TNFAIP8: variants seen among roughly 807,000 people sequenced by gnomAD.
TNFAIP8 encodes tumor necrosis factor alpha-induced protein 8.
A neutral mutation model predicts 13.3 loss-of-function variants in TNFAIP8; 7 were observed. That is an observed-to-expected ratio of 0.52 (90% confidence interval 0.30 to 0.99). The LOEUF is 0.99. TNFAIP8 is among the 50% of genes least tolerant of loss of function. The pLI, the probability that TNFAIP8 is intolerant of heterozygous loss-of-function variation, is 0.07. For missense variants in TNFAIP8, 258 were observed against 236.9 expected, an observed-to-expected ratio of 1.09 and a Z score of -0.58; for synonymous variants, 94 against 87.6, an observed-to-expected ratio of 1.07 and a Z score of -0.41.
chr5:119,358,941 C>T (rs1751536095), intron 1 of TNFAIP8, among the ~76,000 whole-genome samples: 1 of 152,126 alleles, frequency 6.6e-6, no homozygotes, highest in African/African-American at 2.4e-5. Flanking sequence ...GCTCGCTCCT[C>T]CATTGCCCAT....
upstream of TNFAIP8, among the ~76,000 whole-genome samples, chr5:119,353,671 A>G (rs202204912): frequency 1.7e-5 from 2 of 117,686 alleles, no homozygotes; most frequent in Non-Finnish European, 3.8e-5. Flanking sequence ...GGAGCGCTTG[A>G]ACTATTCATT....
chr5:119,294,170 A>G lies in TNFAIP8; in HGVS notation c.1+25263A>G, dbSNP rs183994897. Among the ~76,000 whole-genome samples the G allele has an allele frequency of 9.2e-3, 1,380 of 150,712 alleles. 19 individuals carry two copies. The highest frequency in any genetic ancestry group is 0.015 in the Non-Finnish European group (1,006 of 67,628). The stretch of plus-strand genomic sequence containing the variant: ...ATTAACTCGTCATTTAGCATTAGGT[A>G]TATCTCCTAATGCTATCCCTCCCCC... On this transcript the variant is annotated intron_variant, in intron 1 of 1. Transcript: ENST00000274456.
At chr5:119,309,989 A>G (rs1321867853) in intron 1 of TNFAIP8, among the ~76,000 whole-genome samples, 3 of 152,202 alleles carry the variant, frequency 2.0e-5, no homozygotes, top group Non-Finnish European at 4.4e-5. Flanking sequence ...GCCAACTGGG[A>G]TGACCTGAAT....
At chr5:119,358,895 TG>T (rs1751534171) in intron 1 of TNFAIP8, among the ~76,000 whole-genome samples, 1 of 152,162 alleles carries the variant, frequency 6.6e-6, no homozygotes, top group South Asian at 2.1e-4. Context: ...TGTGGGGACT[TG>T]GAAAAGAGTG....
chr5:119,336,213 TCTCATTTA>T (rs1221540824), intron 1 of TNFAIP8, among the ~76,000 whole-genome samples: 2 of 152,172 alleles, frequency 1.3e-5, no homozygotes, highest in Non-Finnish European at 2.9e-5. Context: ...AGTCCAATCT[TCTCATTTA>T]CAAATGCAAC....
At chr5:119,371,378 C>T (rs1009824252) in intron 1 of TNFAIP8, among the ~76,000 whole-genome samples, 1 of 152,042 alleles carries the variant, frequency 6.6e-6, no homozygotes, top group African/African-American at 2.4e-5. Context: ...CGTCTGTTTC[C>T]TTCATTCCAA....
intron 1 of TNFAIP8, among the ~76,000 whole-genome samples, chr5:119,359,233 C>T (rs1228954360): frequency 6.6e-6 from 1 of 152,182 alleles, no homozygotes; most frequent in East Asian, 1.9e-4. Context: ...TCAAGCTCCC[C>T]ATTCTAGGAC....
intron 1 of TNFAIP8, among the ~76,000 whole-genome samples, chr5:119,295,398 A>G (rs897345860): frequency 6.6e-6 from 1 of 151,692 alleles, no homozygotes; most frequent in African/African-American, 2.4e-5. Context: ...TCCTTTCCCC[A>G]TTGCTTGTTT....
chr5:119,347,541 A>G (rs1480023496), intron 1 of TNFAIP8, among the ~76,000 whole-genome samples: 1 of 152,232 alleles, frequency 6.6e-6, no homozygotes. Flanking sequence ...AGTTTCTCAG[A>G]AAATGCATTC....
intron 1 of TNFAIP8, among the ~76,000 whole-genome samples, chr5:119,277,750 G>T (rs551632930): frequency 6.6e-6 from 1 of 152,296 alleles, no homozygotes; most frequent in African/African-American, 2.4e-5. Context: ...ATTTTCCACA[G>T]TTCTGGGGGC....
At chr5:119,328,512 A>G (rs1485079806) in intron 1 of TNFAIP8, among the ~76,000 whole-genome samples, 1 of 152,232 alleles carries the variant, frequency 6.6e-6, no homozygotes, top group Non-Finnish European at 1.5e-5. Context: ...GTTTAACAGA[A>G]TGCAAATGGA....
intron 1 of TNFAIP8, among the ~76,000 whole-genome samples, chr5:119,311,231 C>T (rs1282764208): frequency 1.3e-5 from 2 of 151,992 alleles, no homozygotes; most frequent in African/African-American, 4.8e-5. Flanking sequence ...GCTATGATGC[C>T]CAAGCTGGTC....
At chr5:119,329,740 G>A (rs1404288441) in intron 1 of TNFAIP8, among the ~76,000 whole-genome samples, 2 of 151,886 alleles carry the variant, frequency 1.3e-5, no homozygotes, top group Non-Finnish European at 1.5e-5. Context: ...GTGGACCACA[G>A]TGAGAGCACC....
intron 1 of TNFAIP8, among the ~76,000 whole-genome samples, chr5:119,299,138 C>T (rs556673447): frequency 9.2e-5 from 14 of 151,896 alleles, no homozygotes; most frequent in African/African-American, 3.4e-4. Context: ...AGCTTTGTTC[C>T]GTTCCTGGTG....
At chr5:119,365,141 C>T (rs75106439) in intron 1 of TNFAIP8, among the ~76,000 whole-genome samples, 7,157 of 152,110 alleles carry the variant, frequency 0.047, 553 homozygotes, top group African/African-American at 0.16. Flanking sequence ...TGTGAGCCAC[C>T]GCACCCAGCC....
At chr5:119,275,747 G>A (rs1748422355) in intron 1 of TNFAIP8, among the ~76,000 whole-genome samples, 1 of 151,894 alleles carries the variant, frequency 6.6e-6, no homozygotes, top group Admixed American at 6.6e-5. Flanking sequence ...ATTCTAATAG[G>A]GGCCATGGAA....
chr5:119,333,609 C>A, intron 1 of TNFAIP8: 1 of 1,535,054 alleles, frequency 6.5e-7, no homozygotes. Context: ...TGATTGCACA[C>A]GGGGAGAAAA....
chr5:119,284,766 G>A (rs1023152339), intron 1 of TNFAIP8, among the ~76,000 whole-genome samples: 6 of 152,072 alleles, frequency 3.9e-5, no homozygotes, highest in African/African-American at 1.4e-4. Context: ...TCCATTGTCA[G>A]GGCTGCAAAC....
upstream of TNFAIP8, among the ~76,000 whole-genome samples, chr5:119,353,642 A>C (rs1751261441): frequency 6.6e-6 from 1 of 152,264 alleles, no homozygotes; most frequent in Non-Finnish European, 1.5e-5. Context: ...ATGAATCTAA[A>C]ATGAATTATA....
Sources: allele counts gnomAD v4.1 joint callset (sites outside exome capture counted in the v4.1 genomes callset), GRCh38; gene constraint gnomAD v4.1.1; transcripts MANE v1.5; gene names NCBI Gene and HGNC (gene_info 2026-07-23, HGNC 2026-07-21).